The following CNTROB variants were observed in gnomAD, a reference collection of about 807,000 sequenced individuals.
CNTROB encodes centrobin.
A neutral mutation model predicts 115.7 loss-of-function variants in CNTROB; 82 were observed. The ratio of observed to expected loss-of-function variants is 0.71; its 90% CI spans 0.59 to 0.85. The LOEUF is 0.85. CNTROB is among the 40% of genes least tolerant of loss of function. The probability of loss-of-function intolerance (pLI) is 0.00; values close to 1 mark genes in which losing one functional copy is unlikely to be tolerated. For missense variants in CNTROB, 1,014 were observed against 1,144.4 expected (o/e 0.89, Z 1.64); for synonymous variants, 439 against 456.4 (o/e 0.96, Z 0.49).
intron 18 of CNTROB, 79 bp downstream of exon 18, chr17:7,949,236 T>G: frequency 6.4e-7 from 1 of 1,565,616 alleles, no homozygotes; most frequent in South Asian, 1.1e-5. Context: ...CACTCCTGGC[T>G]GGCCCCTCCA....
At chr17:7,947,845 T>A in intron 14 of CNTROB, 71 bp from the exon 15 acceptor site, 2 of 1,608,676 alleles carry the variant, frequency 1.2e-6, no homozygotes, top group Non-Finnish European at 8.5e-7. Context: ...TGTCCCAGCT[T>A]CTTCTCTCAG....
rs918845903 is a variant in CNTROB, at chr17:7,935,181, G to A, written c.594+36G>A. 8 of 1,612,584 alleles carry A rather than the reference G, an allele frequency of 5.0e-6. No homozygotes were observed. The African/African-American group carries it at 1.1e-4, about 22-fold the overall frequency. On this transcript the variant is annotated intron_variant, in intron 4 of 18. Transcript: ENST00000563694. Reference sequence around the variant, plus strand: ...AACGCTTCCTTTCGAAAGCAGCAAAGATTAGAAAGAGGGGACCCAAGTGTT... The same window carrying A: ...AACGCTTCCTTTCGAAAGCAGCAAAAATTAGAAAGAGGGGACCCAAGTGTT...
At chr17:7,949,011 T>C in intron 17 of CNTROB, 74 bp from the exon 18 acceptor site, 1 of 1,610,608 alleles carries the variant, frequency 6.2e-7, no homozygotes, top group Non-Finnish European at 8.5e-7. Context: ...AATTGGGGAG[T>C]AGTTCTTCCA....
At position 7,943,795 on chromosome 17, in the gene CNTROB, A is replaced by C. The variant is rs7209540; in HGVS notation, c.1445+271A>C. 1.3e-5 allele frequency among the ~76,000 whole-genome samples: 2 copies of C among 151,998 alleles called. No individual in the cohort carries two copies. Among genetic ancestry groups the C allele is most frequent in the African/African-American group, 4.8e-5 (2 of 41,374 alleles). On this transcript the variant is annotated intron_variant, in intron 10 of 18. Coordinates refer to ENST00000563694, the MANE Select transcript of CNTROB (RefSeq NM_053051.5). This position sits in a 1 kb window ranked among gnomAD's most constrained non-coding sequence, Gnocchi z 4.7. ...GAATGATAGATGGTCCAGCTCCCTC[A>C]CTGGGACAGTGCTGAGGTATGACCT...
intron 7 of CNTROB, among the ~76,000 whole-genome samples, chr17:7,938,001 G>GTTTTTTTTT (rs368082295): frequency 2.9e-5 from 3 of 104,310 alleles, no homozygotes; most frequent in Admixed American, 1.2e-4. Flanking sequence ...TTCTTTTCGT[G>GTTTTTTTTT]TTTTTTTTTT....
intron 13 of CNTROB, 40 bp downstream of exon 13, chr17:7,946,026 C>T (rs1162657618): frequency 2.5e-6 from 4 of 1,581,064 alleles, no homozygotes; most frequent in Non-Finnish European, 3.5e-6. Context: ...CCCTTCTGTG[C>T]ATGAATTGGC....
Position 7,948,966 on chromosome 17 carries a change from G to T in CNTROB, c.2514-119G>T. On this transcript the variant is annotated intron_variant, in intron 17 of 18. Transcript: ENST00000563694. The surrounding 1 kb of genome is among the most constrained non-coding windows in gnomAD (Gnocchi z 4.4). ...AATGTCTCCTCCCAGTTGATGCCCA[G>T]GTCTATCGAGTTTGATCTTATTCTT... The T allele has an allele frequency of 6.3e-7, 1 of 1,586,092 alleles. No individual in the cohort carries two copies. Among genetic ancestry groups the T allele is most frequent in the Non-Finnish European group, 8.6e-7 (1 of 1,164,482 alleles).
Position 7,943,498 on chromosome 17 carries a change from A to G in CNTROB, c.1419A>G (p.Gln473=), listed in dbSNP as rs773198757. ...AGGCTCAGGAGAGCAGCCTACGGCA[A>G]GCAGCCTCCCTCAGGGAACATCACA... ...LAQAQESSLR[Q]AASLREHHRK... Residue 473 remains glutamine, a synonymous_variant, in exon 10 of 19, where the codon CAA becomes CAG. Transcript: ENST00000563694. The surrounding 1 kb of genome is among the most constrained non-coding windows in gnomAD (Gnocchi z 4.7). 6.2e-7 allele frequency: 1 copy of G among 1,613,410 alleles called. No individual in the cohort carries two copies. Among genetic ancestry groups the G allele is most frequent in the Non-Finnish European group, 8.5e-7 (1 of 1,179,554 alleles).
chr17:7,936,435 G>A lies in CNTROB; in HGVS notation c.664G>A (p.Val222Met), dbSNP rs1973182175. ...LELQQQLAVA[V>M]AADRKKDTMI... The stretch of plus-strand genomic sequence containing the variant: ...GCTACAGCAACAATTAGCCGTGGCT[G>A]TGGCTGCCGACCGCAAGAAAGATAC... Residue 222 changes from valine (V) to methionine (M), a missense_variant, in exon 5 of 19, where the codon GTG becomes ATG. By Grantham distance (21) the Val-to-Met change is conservative (BLOSUM62 1). Transcript: ENST00000563694. 3 of 1,572,148 alleles carry A rather than the reference G, an allele frequency of 1.9e-6. No homozygotes were observed. Among genetic ancestry groups the A allele is most frequent in the South Asian group, 1.1e-5 (1 of 90,210 alleles).
chr17:7,935,037 G>A lies in CNTROB; in HGVS notation c.486G>A (p.Leu162=). The A allele has an allele frequency of 7.4e-6, 12 of 1,614,034 alleles. No homozygotes were observed. Among genetic ancestry groups the A allele is most frequent in the Non-Finnish European group, 9.3e-6 (11 of 1,179,938 alleles). ...CTCCATCTAGCTCAGCCCAAGCCCT[G>A]GAGGAGCTGTTTCCCCGCTACACCA... ...DLSPSSSAQA[L]EELFPRYTSL... The change falls in exon 4 of 19, where the codon CTG becomes CTA. Residue 162 remains leucine (L), a synonymous_variant. Transcript: ENST00000563694.
At position 7,936,360 on chromosome 17, in the gene CNTROB, C is replaced by T. The variant is rs937950414; in HGVS notation, c.595-6C>T. The T allele has an allele frequency of 1.6e-6, 2 of 1,215,418 alleles. No individual in the cohort carries two copies. Among genetic ancestry groups the T allele is most frequent in the East Asian group, 2.3e-5 (1 of 43,084 alleles). The allele number at this position is 1,215,418 out of a possible 1,614,324, so 75.3% of individuals were successfully genotyped here. A position where few individuals can be genotyped will look rare whatever the true frequency, so the allele number is the denominator to read the frequency against. On this transcript the variant is annotated splice_region_variant and splice_polypyrimidine_tract_variant and intron_variant, in intron 4 of 18. Coordinates refer to ENST00000563694, the MANE Select transcript of CNTROB (RefSeq NM_053051.5). ...CAACACCCAGACTCCTCACCCTTTT[C>T]CCCAGCATTGTGAGCGCCATATTCA...
In CNTROB at chr17:7,949,662, CT is replaced by C. The variant is rs896015935; in HGVS notation, c.*159del. ...TAAAGAAACCACATTTGGTTGAGTA[CT>C]TTTTTTATATGTTACATGTTTATAT... On this transcript the variant is annotated 3_prime_UTR_variant, in exon 19 of 19. Coordinates refer to ENST00000563694, the MANE Select transcript of CNTROB (RefSeq NM_053051.5). The C allele has an allele frequency of 2.4e-5, 16 of 665,118 alleles. No homozygotes were observed. Among genetic ancestry groups the C allele is most frequent in the African/African-American group, 5.6e-5 (3 of 53,678 alleles). The allele number at this position is 665,118 out of a possible 1,614,324, so 41.2% of individuals were successfully genotyped here. A position where few individuals can be genotyped will look rare whatever the true frequency, so the allele number is the denominator to read the frequency against.
At chr17:7,937,817 AAAAAT>A (rs1336064519) in intron 7 of CNTROB, among the ~76,000 whole-genome samples, 4 of 152,028 alleles carry the variant, frequency 2.6e-5, no homozygotes, top group East Asian at 1.9e-4. Flanking sequence ...AATAAAAATA[AAAAAT>A]AAAATAAAAT....
At chr17:7,937,092 A>C (rs1973269458) in intron 6 of CNTROB, 72 bp from the exon 7 acceptor site, 4 of 1,566,800 alleles carry the variant, frequency 2.6e-6, no homozygotes, top group Non-Finnish European at 3.5e-6. Context: ...TTACATTGTC[A>C]ATGCTTTATA....
rs1162409068 is a variant in CNTROB at position 7,937,172 on chromosome 17, C to T, written c.837C>T (p.Thr279=). ...LTRSKQQETV[T]RLEQSLSEAM... ...TCCTCTCTTCCTGAAAGACAGTAAC[C>T]CGCCTGGAACAAAGCCTTTCTGAGG... The change falls in exon 7 of 19, where the codon ACC becomes ACT. Residue 279 remains threonine (T), a synonymous_variant. Coordinates refer to ENST00000563694, the MANE Select transcript of CNTROB (RefSeq NM_053051.5). 17 of 1,614,032 alleles carry T rather than the reference C, an allele frequency of 1.1e-5. No homozygotes were observed. Among genetic ancestry groups the T allele is most frequent in the Non-Finnish European group, 1.4e-5 (16 of 1,180,014 alleles).
chr17:7,939,654 G>GAAGA lies in CNTROB; in HGVS notation c.1071_1074dup (p.Gln360ThrfsTer12). 6.2e-7 allele frequency: 1 copy of GAAGA among 1,614,130 alleles called. No homozygotes were observed. Among genetic ancestry groups the GAAGA allele is most frequent in the Non-Finnish European group, 8.5e-7 (1 of 1,180,036 alleles). On this transcript the variant is annotated frameshift_variant, in exon 8 of 19. Transcript: ENST00000563694. LOFTEE classifies it high-confidence loss of function. The surrounding 1 kb of genome is among the most constrained non-coding windows in gnomAD (Gnocchi z 4.4). ...GGAGACTCTTCGGGCTGCCCTAGAA[G>GAAGA]AAGAACGGCAGACCTGGGCCCAGCA...
rs1460976602 is a variant in CNTROB, at chr17:7,943,780, T to C, written c.1445+256T>C. 6.6e-6 allele frequency among the ~76,000 whole-genome samples: 1 copy of C among 152,174 alleles called. No individual in the cohort carries two copies. Among genetic ancestry groups the C allele is most frequent in the African/African-American group, 2.4e-5 (1 of 41,442 alleles). On this transcript the variant is annotated intron_variant, in intron 10 of 18. Coordinates refer to ENST00000563694, the MANE Select transcript of CNTROB (RefSeq NM_053051.5). This position sits in a 1 kb window ranked among gnomAD's most constrained non-coding sequence, Gnocchi z 4.7. ...GAACTGATGGGTGCAGAATGATAGA[T>C]GGTCCAGCTCCCTCACTGGGACAGT...
Position 7,944,728 on chromosome 17 carries a change from A to G in CNTROB, c.1734+90A>G, listed in dbSNP as rs1019681486. The G allele has an allele frequency of 2.0e-6, 3 of 1,484,798 alleles. No individual in the cohort carries two copies. Among genetic ancestry groups the G allele is most frequent in the Non-Finnish European group, 2.7e-6 (3 of 1,101,904 alleles). 92.0% of individuals were successfully genotyped at this position (1,484,798 alleles called of 1,614,324 possible). On this transcript the variant is annotated intron_variant, in intron 12 of 18. Transcript: ENST00000563694. This position sits in a 1 kb window ranked among gnomAD's most constrained non-coding sequence, Gnocchi z 4.0. ...AGGGTCTCACTCTTGCCCAGGCTGG[A>G]GTGTACTGGTGAGATCATAGCTCAT...
At chr17:7,949,181 C>G (rs774490879) in intron 18 of CNTROB, 24 bp downstream of exon 18, 2 of 1,611,424 alleles carry the variant, frequency 1.2e-6, no homozygotes, top group East Asian at 2.2e-5. Flanking sequence ...AGGCAGGGAC[C>G]AGGGGAGAAA....
Sources: allele counts gnomAD v4.1 joint callset (sites outside exome capture counted in the v4.1 genomes callset), GRCh38; gene constraint gnomAD v4.1.1; non-coding constraint Gnocchi (gnomAD v3.1); transcripts MANE v1.5; gene names NCBI Gene and HGNC (gene_info 2026-07-23, HGNC 2026-07-21).